The following NAA11 variants were observed in gnomAD, a reference collection of about 807,000 sequenced individuals.
The protein encoded by NAA11 is N-alpha-acetyltransferase 11, NatA catalytic subunit, also known as N-alpha-acetyltransferase 11.
In NAA11, 15 loss-of-function variants were observed where a neutral mutation model predicts 16.1. The observed-to-expected ratio is 0.93, with a 90% CI of 0.62 to 1.44. The LOEUF (loss-of-function observed/expected upper bound fraction) is 1.44, where lower values mean the gene tolerates loss of function less well. NAA11 is among the 40% of genes most tolerant of loss of function. NAA11 has a pLI of 0.00. For missense variants in NAA11, 298 were observed against 291.3 expected (o/e 1.02, Z -0.17); for synonymous variants, 122 against 112.4 (o/e 1.09, Z -0.54).
chr4:79,206,787 T>G, the NAA11 span, among the ~76,000 whole-genome samples: 1 of 152,154 alleles, frequency 6.6e-6, no homozygotes, highest in African/African-American at 2.4e-5. Flanking sequence ...GACCCTCTTT[T>G]CTTTTTTTAG....
At chr4:79,173,150 T>TGTAA in the NAA11 span, among the ~76,000 whole-genome samples, 7 of 152,180 alleles carry the variant, frequency 4.6e-5, no homozygotes, top group African/African-American at 4.8e-5. Context: ...GAATGCTTAC[T>TGTAA]GTAACCTCAG....
downstream of NAA11, among the ~76,000 whole-genome samples, chr4:79,311,799 T>C (rs571339497): frequency 6.6e-6 from 1 of 152,102 alleles, no homozygotes; most frequent in South Asian, 2.1e-4. Flanking sequence ...ATCTACCCCA[T>C]CCCCAACAAT....
At chr4:79,171,764 G>A in the NAA11 span, among the ~76,000 whole-genome samples, 1 of 152,088 alleles carries the variant, frequency 6.6e-6, no homozygotes, top group Non-Finnish European at 1.5e-5. Context: ...ATCTTAGGTT[G>A]CCTATCTCCT....
At chr4:79,321,058 A>G (rs1012489541) in intron 1 of NAA11, among the ~76,000 whole-genome samples, 26 of 152,212 alleles carry the variant, frequency 1.7e-4, no homozygotes, top group African/African-American at 5.8e-4. Flanking sequence ...TAGTGGCATA[A>G]TGGCAGCAAG....
At chr4:79,285,416 T>G (rs1374553023) in intron 2 of NAA11, among the ~76,000 whole-genome samples, 1 of 152,042 alleles carries the variant, frequency 6.6e-6, no homozygotes, top group Admixed American at 6.6e-5. Flanking sequence ...CTGTTGGAAG[T>G]CTGAAAAACC....
intron 2 of NAA11, among the ~76,000 whole-genome samples, chr4:79,278,767 T>C (rs1371731179): frequency 1.3e-5 from 2 of 152,178 alleles, no homozygotes; most frequent in African/African-American, 4.8e-5. Flanking sequence ...TCACATCTTA[T>C]TGATATGAGG....
chr4:79,277,558 TA>T (rs1231407412), intron 2 of NAA11, among the ~76,000 whole-genome samples: 3 of 152,244 alleles, frequency 2.0e-5, no homozygotes, highest in Admixed American at 6.5e-5. Flanking sequence ...CTTCTACTTT[TA>T]AACTTAACTT....
chr4:79,297,924 T>C (rs1227198666), intron 1 of NAA11, among the ~76,000 whole-genome samples: 1 of 152,156 alleles, frequency 6.6e-6, no homozygotes, highest in Non-Finnish European at 1.5e-5. Flanking sequence ...GAATTTGTGG[T>C]GCCTTTTCTG....
chr4:79,169,852 G>A, the NAA11 span, among the ~76,000 whole-genome samples: 1 of 152,136 alleles, frequency 6.6e-6, no homozygotes. Context: ...TTCAACATTG[G>A]AGATGACACG....
At chr4:79,180,621 C>T in the NAA11 span, among the ~76,000 whole-genome samples, 1 of 152,190 alleles carries the variant, frequency 6.6e-6, no homozygotes, top group Non-Finnish European at 1.5e-5. Flanking sequence ...AACACTTTTA[C>T]ACTGTTGGTG....
At chr4:79,164,650 A>T in the NAA11 span, among the ~76,000 whole-genome samples, 1 of 152,294 alleles carries the variant, frequency 6.6e-6, no homozygotes, top group African/African-American at 2.4e-5. Context: ...GCCCCAACAC[A>T]GACAAAACTC....
At chr4:79,313,616 CG>C (rs1201423294), downstream of NAA11, among the ~76,000 whole-genome samples, 2 of 152,102 alleles carry the variant, frequency 1.3e-5, no homozygotes, top group South Asian at 2.1e-4. Context: ...CTTCACAAAA[CG>C]TAATTCCCAC....
At chr4:79,290,058 T>C (rs1408394007) in intron 2 of NAA11, among the ~76,000 whole-genome samples, 1 of 152,170 alleles carries the variant, frequency 6.6e-6, no homozygotes, top group Non-Finnish European at 1.5e-5. Flanking sequence ...ACTTTCTTGT[T>C]TACTTCCTTT....
chr4:79,303,653 A>G (rs1176133576), intron 1 of NAA11, among the ~76,000 whole-genome samples: 1 of 152,232 alleles, frequency 6.6e-6, no homozygotes, highest in African/African-American at 2.4e-5. Flanking sequence ...AATTAAGTCA[A>G]TAATGCTTCC....
the NAA11 span, among the ~76,000 whole-genome samples, chr4:79,185,145 TTCTC>T: frequency 1.6e-3 from 239 of 152,274 alleles, 2 homozygotes; most frequent in African/African-American, 5.4e-3. Flanking sequence ...TGTAGGTTCT[TTCTC>T]TCTATTTTTC....
At chr4:79,293,255 T>C (rs1226062746) in intron 2 of NAA11, among the ~76,000 whole-genome samples, 1 of 152,144 alleles carries the variant, frequency 6.6e-6, no homozygotes, top group Non-Finnish European at 1.5e-5. Context: ...TTTTTAAAAA[T>C]GGTTACCTTA....
At chr4:79,270,384 C>T (rs1268939229) in intron 2 of NAA11, among the ~76,000 whole-genome samples, 1 of 151,240 alleles carries the variant, frequency 6.6e-6, no homozygotes, top group African/African-American at 2.4e-5. Context: ...TGGCAATAAT[C>T]AATAGCTTAC....
At chr4:79,304,330 A>T (rs1315969633) in intron 1 of NAA11, among the ~76,000 whole-genome samples, 4 of 152,240 alleles carry the variant, frequency 2.6e-5, no homozygotes, top group Non-Finnish European at 5.9e-5. Flanking sequence ...AAAAAATGTA[A>T]AACAGCACAA....
intron 2 of NAA11, among the ~76,000 whole-genome samples, chr4:79,285,807 T>C (rs1480891645): frequency 6.6e-6 from 1 of 152,044 alleles, no homozygotes; most frequent in Non-Finnish European, 1.5e-5. Flanking sequence ...TTAGTCACTA[T>C]AGTAAATTTT....
Sources: allele counts gnomAD v4.1 joint callset (sites outside exome capture counted in the v4.1 genomes callset), GRCh38; gene constraint gnomAD v4.1.1; transcripts MANE v1.5; gene names NCBI Gene and HGNC (gene_info 2026-07-23, HGNC 2026-07-21).